MSH5: variants seen among roughly 807,000 people sequenced by gnomAD.
The protein encoded by MSH5 is mutS homolog 5.
In MSH5, 78 loss-of-function variants were observed where a neutral mutation model predicts 107.7. That is an observed-to-expected ratio of 0.72 (90% CI 0.60 to 0.87). The LOEUF (loss-of-function observed/expected upper bound fraction) is 0.87. MSH5 is among the 40% of genes least tolerant of loss of function. The probability of loss-of-function intolerance (pLI) is 0.00; values close to 1 mark genes in which losing one functional copy is unlikely to be tolerated. For missense variants in MSH5, 889 were observed against 1,046.6 expected, an observed-to-expected ratio of 0.85 and a Z score of 2.08; for synonymous variants, 326 against 399.5, an observed-to-expected ratio of 0.82 and a Z score of 2.19.
chr6:31,752,884 G>A (rs1164816234), intron 10 of MSH5, among the ~76,000 whole-genome samples: 1 of 152,154 alleles, frequency 6.6e-6, no homozygotes, highest in African/African-American at 2.4e-5. Context: ...ATGAATGTCT[G>A]TTGCTGTTAC....
In MSH5 at chr6:31,760,683, T is replaced by C; in HGVS notation, c.1813-7T>C. On this transcript the variant is annotated splice_polypyrimidine_tract_variant and splice_region_variant and intron_variant, in intron 19 of 24. Transcript: ENST00000375750. The surrounding 1 kb of genome is among the most constrained non-coding windows in gnomAD (Gnocchi z 5.6). The stretch of plus-strand genomic sequence containing the variant: ...AGGCCCCAGGCCCTGTCTCCTTCCC[T>C]ATTCAGGTAGGCTTGATCACATTCA... 6.2e-7 allele frequency: 1 copy of C among 1,612,910 alleles called. No individual in the cohort carries two copies. Among genetic ancestry groups the C allele is most frequent in the Non-Finnish European group, 8.5e-7 (1 of 1,180,044 alleles).
At chr6:31,743,347 C>T (rs2293861) in intron 5 of MSH5, 177 bp downstream of exon 5, 123,270 of 659,426 alleles carry the variant, frequency 0.19, 13,126 homozygotes, top group African/African-American at 0.27. Flanking sequence ...CCTTTAATAA[C>T]CTGCAGCTTA....
intron 10 of MSH5, 38 bp from the exon 11 acceptor site, chr6:31,753,263 G>A (rs780313851): frequency 6.4e-7 from 1 of 1,563,538 alleles, no homozygotes; most frequent in African/African-American, 1.4e-5. Context: ...GATGATAGAT[G>A]TAACTTGTAG....
chr6:31,757,836 A>T, intron 12 of MSH5: 1 of 394,370 alleles, frequency 2.5e-6, no homozygotes, highest in Non-Finnish European at 4.5e-6. Context: ...AGCCCAGTTA[A>T]TTTTTGTATT....
rs1377602815 is a variant in MSH5 at position 31,758,747 on chromosome 6, G to A, written c.1217-19G>A. The A allele has an allele frequency of 3.1e-6, 5 of 1,612,580 alleles. No individual in the cohort carries two copies. The highest frequency in any genetic ancestry group is 1.3e-5 in the African/African-American group (1 of 74,864). ...CAGGAGACTCACTTTTGATAACCAC[G>A]TGTCTTCCACCCTCGTAGAAAAGCG... On this transcript the variant is annotated intron_variant, in intron 14 of 24. Transcript: ENST00000375750. This position sits in a 1 kb window ranked among gnomAD's most constrained non-coding sequence, Gnocchi z 5.1.
In MSH5 at chr6:31,760,935, A is replaced by G; in HGVS notation, c.1962+96A>G. On this transcript the variant is annotated intron_variant, in intron 20 of 24. Transcript: ENST00000375750. This position sits in a 1 kb window ranked among gnomAD's most constrained non-coding sequence, Gnocchi z 5.6. ...AACAGGAAAGCATGCCCTCTGCTGC[A>G]TGCCCTTTATACTAAAAGTGGGGAG... 1 of 1,383,502 alleles carries G rather than the reference A, an allele frequency of 7.2e-7. No individual in the cohort carries two copies. Among genetic ancestry groups the G allele is most frequent in the Non-Finnish European group, 9.9e-7 (1 of 1,014,708 alleles). 85.7% of individuals were successfully genotyped at this position (1,383,502 alleles called of 1,614,324 possible).
intron 8 of MSH5, among the ~76,000 whole-genome samples, chr6:31,744,990 C>T (rs1809285986): frequency 6.6e-6 from 1 of 151,060 alleles, no homozygotes; most frequent in Non-Finnish European, 1.5e-5. Context: ...GCCTGTAATC[C>T]CAGCCACTCA....
intron 10 of MSH5, among the ~76,000 whole-genome samples, chr6:31,749,610 C>T (rs1809776225): frequency 6.6e-6 from 1 of 152,036 alleles, no homozygotes; most frequent in Non-Finnish European, 1.5e-5. Flanking sequence ...TTACAGGTAC[C>T]TGTAAGGAGT....
Position 31,759,846 on chromosome 6 carries a change from T to C in MSH5, c.1556T>C (p.Leu519Ser). The C allele has an allele frequency of 6.2e-7, 1 of 1,614,096 alleles. No homozygotes were observed. The highest frequency in any genetic ancestry group is 8.5e-7 in the Non-Finnish European group (1 of 1,180,034). Residue 519 changes from leucine (L) to serine (S), a missense_variant, in exon 18 of 25, where the codon TTA becomes TCA. Leu to Ser is a moderately radical substitution (Grantham distance 145). Coordinates refer to ENST00000375750, the MANE Select transcript of MSH5 (RefSeq NM_172166.4). The surrounding 1 kb of genome is among the most constrained non-coding windows in gnomAD (Gnocchi z 4.7). Reference protein sequence around the residue: ...QCQVLARAAVLTRVLDLASRL... With the variant: ...QCQVLARAAVSTRVLDLASRL... ...CAGGTGCTGGCACGAGCAGCTGTCTTAACCCGAGTATTGGACCTTGCCTCC... is the reference window on the plus strand; with the variant it reads ...CAGGTGCTGGCACGAGCAGCTGTCTCAACCCGAGTATTGGACCTTGCCTCC...
At chr6:31,754,262 A>G (rs1050729209) in intron 12 of MSH5, among the ~76,000 whole-genome samples, 7 of 147,966 alleles carry the variant, frequency 4.7e-5, no homozygotes, top group African/African-American at 1.8e-4. Context: ...TGATTCTCCT[A>G]CCTCAGCCTC....
In MSH5 at chr6:31,753,419, G is replaced by C; in HGVS notation, c.931G>C (p.Gly311Arg). The C allele has an allele frequency of 6.2e-7, 1 of 1,614,090 alleles. No homozygotes were observed. Among genetic ancestry groups the C allele is most frequent in the Non-Finnish European group, 8.5e-7 (1 of 1,179,996 alleles). ...DMAQMLHRLL[G>R]HIKNVPLILK... The stretch of plus-strand genomic sequence containing the variant: ...GGCTCAGATGCTGCATCGGCTCCTG[G>C]GTCACATCAAGAACGTGCCTGTGAG... Residue 311 changes from glycine to arginine, a missense_variant, in exon 11 of 25, where the codon GGT becomes CGT. By Grantham distance (125) the Gly-to-Arg change is moderately radical. Coordinates refer to ENST00000375750, the MANE Select transcript of MSH5 (RefSeq NM_172166.4).
Position 31,760,948 on chromosome 6 carries a change from T to C in MSH5, c.1962+109T>C. On this transcript the variant is annotated intron_variant, in intron 20 of 24. Transcript: ENST00000375750. This position sits in a 1 kb window ranked among gnomAD's most constrained non-coding sequence, Gnocchi z 5.6. ...GCCCTCTGCTGCATGCCCTTTATAC[T>C]AAAAGTGGGGAGCACTAAGGTCAGA... is the stretch of plus-strand genomic sequence containing the variant. 1 of 1,310,692 alleles carries C rather than the reference T, an allele frequency of 7.6e-7. No individual in the cohort carries two copies. Among genetic ancestry groups the C allele is most frequent in the Non-Finnish European group, 1.0e-6 (1 of 957,434 alleles). 81.2% of individuals were successfully genotyped at this position (1,310,692 alleles called of 1,614,324 possible). A position where few individuals can be genotyped will look rare whatever the true frequency, so the allele number is the denominator to read the frequency against.
chr6:31,752,643 C>T (rs894853525), intron 10 of MSH5, among the ~76,000 whole-genome samples: 1 of 151,704 alleles, frequency 6.6e-6, no homozygotes, highest in African/African-American at 2.4e-5. Flanking sequence ...TCACTTGAAC[C>T]CGGGAGGTGG....
chr6:31,756,542 A>G (rs1279451570), intron 12 of MSH5: 3 of 152,242 alleles, frequency 2.0e-5, no homozygotes, highest in Non-Finnish European at 4.4e-5. Context: ...TTTATTAGCC[A>G]GAAATTTCTG....
In MSH5 at chr6:31,762,618, G is replaced by A; in HGVS notation, c.*87G>A. 1.3e-6 allele frequency: 1 copy of A among 773,248 alleles called. No homozygotes were observed. The allele number at this position is 773,248 out of a possible 1,614,324, so 47.9% of individuals were successfully genotyped here. ...TTTCCTTATCTCCCTCAGACGCAGAGTTTTTAGTTTCTCTAGAAATTTTGT... is the reference window on the plus strand; with the variant it reads ...TTTCCTTATCTCCCTCAGACGCAGAATTTTTAGTTTCTCTAGAAATTTTGT... On this transcript the variant is annotated 3_prime_UTR_variant, in exon 25 of 25. Coordinates refer to ENST00000375750, the MANE Select transcript of MSH5 (RefSeq NM_172166.4).
chr6:31,757,516 A>G (rs1810558112), intron 12 of MSH5: 1 of 151,966 alleles, frequency 6.6e-6, no homozygotes, highest in African/African-American at 2.4e-5. Flanking sequence ...TTATAGCTAT[A>G]TTTCTCTTTC....
chr6:31,740,499 A>G lies in MSH5; in HGVS notation c.33A>G (p.Thr11=). The part of the protein sequence containing the change: MASLGANPRR[T]PQGPRPGAAS... Reference sequence around the variant, plus strand: ...CCTTAGGAGCGAACCCAAGGAGGACACCGCAGGGACCGAGACCTGGGGCGG... The same window carrying G: ...CCTTAGGAGCGAACCCAAGGAGGACGCCGCAGGGACCGAGACCTGGGGCGG... Residue 11 remains threonine, a synonymous_variant, in exon 2 of 25, where the codon ACA becomes ACG. Transcript: ENST00000375750. This position sits in a 1 kb window ranked among gnomAD's most constrained non-coding sequence, Gnocchi z 4.4. 2 of 1,567,306 alleles carry G rather than the reference A, an allele frequency of 1.3e-6. No homozygotes were observed. Among genetic ancestry groups the G allele is most frequent in the Non-Finnish European group, 1.7e-6 (2 of 1,155,782 alleles).
In MSH5 at chr6:31,747,592, C is replaced by T. The variant is rs28381364; in HGVS notation, c.812+160C>T. Among the ~76,000 whole-genome samples the T allele has an allele frequency of 3.8e-3, 582 of 152,300 alleles. 21 individuals carry two copies. The highest frequency in any genetic ancestry group is 0.037 in the Admixed American group (564 of 15,284). ...TACTGAGCACTGGCTAACTGCATTT[C>T]ATCCTTATAACAGCTTTGTGTAGTA... is the stretch of plus-strand genomic sequence containing the variant. On this transcript the variant is annotated intron_variant, in intron 10 of 24. Transcript: ENST00000375750.
In MSH5 at chr6:31,760,106, C is replaced by A; in HGVS notation, c.1702C>A (p.Leu568Ile). ...CCACTGCAGACATCCTCTGATGGAA[C>A]TCTGTGCCCGAACCTTTGTGCCCAA... ...IQNGRHPLME[L>I]CARTFVPNST... The change falls in exon 19 of 25, where the codon CTC (leucine) becomes ATC (isoleucine). Residue 568 changes from leucine (L) to isoleucine (I), a missense_variant. Leu to Ile is a conservative substitution (Grantham distance 5, BLOSUM62 2). Transcript: ENST00000375750. The surrounding 1 kb of genome is among the most constrained non-coding windows in gnomAD (Gnocchi z 5.6). The A allele has an allele frequency of 6.2e-7, 1 of 1,603,932 alleles. No homozygotes were observed. The highest frequency in any genetic ancestry group is 8.5e-7 in the Non-Finnish European group (1 of 1,174,860).
Sources: gnomAD v4.1 joint callset for allele counts (sites outside exome capture counted in the v4.1 genomes callset) on GRCh38, gnomAD v4.1.1 for gene constraint, Gnocchi (gnomAD v3.1) non-coding constraint, MANE v1.5 for transcripts, NCBI Gene and HGNC (gene_info 2026-07-23, HGNC 2026-07-21) for gene names.